Variants in FAM234A observed in about 807,000 individuals in gnomAD.
FAM234A encodes the protein family with sequence similarity 234 member A.
Under a neutral mutation model 49.1 loss-of-function variants are expected in FAM234A, and 42 were observed. The observed-to-expected ratio is 0.86, with a 90% CI of 0.67 to 1.11. The LOEUF is 1.11. Among genes scored for constraint, FAM234A ranks in the 50% least tolerant of loss-of-function variants. FAM234A has a pLI of 0.00. For missense variants in FAM234A, 815 were observed against 745.2 expected (o/e 1.09, Z -1.09); for synonymous variants, 369 against 316.2 (o/e 1.17, Z -1.77).
chr16:254,182 A>G (rs886433143), intron 2 of FAM234A, 199 bp from the exon 3 acceptor site: 9 of 560,858 alleles, frequency 1.6e-5, no homozygotes, highest in African/African-American at 1.5e-4. Flanking sequence ...GCCTTTCCAC[A>G]CTAATTAGAG....
chr16:254,171 C>G (rs1027614032), intron 2 of FAM234A: 14 of 536,028 alleles, frequency 2.6e-5, no homozygotes, highest in Non-Finnish European at 4.6e-5. Flanking sequence ...ACAGCTAACT[C>G]GCCTTTCCAC....
intron 6 of FAM234A, 43 bp downstream of exon 6, chr16:261,557 T>C: frequency 6.5e-7 from 1 of 1,537,876 alleles, no homozygotes; most frequent in Non-Finnish European, 8.7e-7. Flanking sequence ...CGAGGCCACC[T>C]GCCACACGGC....
rs1332668580 is a variant in FAM234A at position 263,573 on chromosome 16, C to G, written c.1113-127C>G. On this transcript the variant is annotated intron_variant, in intron 9 of 12. Coordinates refer to ENST00000399932, the MANE Select transcript of FAM234A (RefSeq NM_032039.4). ...TTGCCCCTTGCCCCAGACGTCGGCT[C>G]CGTGTCCTGGGCCCTGGTCCAGATG... is the stretch of plus-strand genomic sequence containing the variant. The G allele has an allele frequency of 2.4e-6, 3 of 1,275,036 alleles. No homozygotes were observed. The African/African-American group carries it at 4.4e-5, about 19-fold the overall frequency. 79.0% of individuals were successfully genotyped at this position (1,275,036 alleles called of 1,614,324 possible). A position where few individuals can be genotyped will look rare whatever the true frequency, so the allele number is the denominator to read the frequency against.
intron 3 of FAM234A, among the ~76,000 whole-genome samples, chr16:254,984 T>C (rs2051174229): frequency 6.6e-6 from 1 of 152,074 alleles, no homozygotes; most frequent in South Asian, 2.1e-4. Flanking sequence ...GCCTCCCAAA[T>C]AGCTGGGATT....
chr16:264,642 A>C lies in FAM234A; in HGVS notation c.1373A>C (p.Tyr458Ser). Residue 458 changes from tyrosine to serine, a missense_variant, in exon 12 of 13, where the codon TAC (tyrosine) becomes TCC (serine). Physicochemically the swap from Tyr to Ser is moderately radical, Grantham distance 144. Transcript: ENST00000399932. Reference protein sequence around the residue: ...TETGEARHSLYMFHPTLPRVL... With the variant: ...TETGEARHSLSMFHPTLPRVL... Reference sequence around the variant, plus strand: ...ACCGGGGAGGCCCGGCACAGCCTGTACATGTTCCACCCCACCCTGCCGCGC... The same window carrying C: ...ACCGGGGAGGCCCGGCACAGCCTGTCCATGTTCCACCCCACCCTGCCGCGC... 1.9e-6 allele frequency: 3 copies of C among 1,611,606 alleles called. No individual in the cohort carries two copies. The highest frequency in any genetic ancestry group is 2.5e-6 in the Non-Finnish European group (3 of 1,179,862).
rs1555462464 is a variant in FAM234A at position 252,196 on chromosome 16, T to TTG, written c.-33-2184_-33-2183insGT. Among the ~76,000 whole-genome samples, 3 of 146,874 alleles carry TTG rather than the reference T, an allele frequency of 2.0e-5. No individual in the cohort carries two copies. In the East Asian group the frequency reaches 6.1e-4, roughly 30 times the overall value. On this transcript the variant is annotated intron_variant, in intron 2 of 12. Transcript: ENST00000399932. ...TTTTTCTGTTTTTTGTTTTTTTTTTTTTTTTGAGACAGAGTCTCACTGTCG... is the reference window on the plus strand; with the variant it reads ...TTTTTCTGTTTTTTGTTTTTTTTTTTTGTTTTTGAGACAGAGTCTCACTGTCG...
intron 1 of FAM234A, among the ~76,000 whole-genome samples, chr16:244,761 C>G (rs983629774): frequency 6.7e-6 from 1 of 148,688 alleles, no homozygotes; most frequent in Non-Finnish European, 1.5e-5. Flanking sequence ...CGATCTTGGC[C>G]ACTGCACCCT....
rs186977536 is a variant in FAM234A, at chr16:256,255, A to T, written c.268+1574A>T. ...AATTGCTGAACCCTATGGTAAGTTTATGTTTAACTTTCTGAGGAGCTGACA... is the reference window on the plus strand; with the variant it reads ...AATTGCTGAACCCTATGGTAAGTTTTTGTTTAACTTTCTGAGGAGCTGACA... On this transcript the variant is annotated intron_variant, in intron 3 of 12. Transcript: ENST00000399932. Among the ~76,000 whole-genome samples the T allele has an allele frequency of 4.5e-3, 690 of 152,280 alleles. 2 individuals carry two copies. Among genetic ancestry groups the T allele is most frequent in the Non-Finnish European group, 5.5e-3 (376 of 68,024 alleles).
chr16:262,599 T>C, intron 8 of FAM234A, 46 bp downstream of exon 8: 1 of 1,513,130 alleles, frequency 6.6e-7, no homozygotes, highest in Non-Finnish European at 8.8e-7. Flanking sequence ...GCCCACCCCA[T>C]GGCTCTGCTC....
At chr16:238,567 C>T (rs966252844) in intron 1 of FAM234A, among the ~76,000 whole-genome samples, 5 of 151,768 alleles carry the variant, frequency 3.3e-5, no homozygotes, top group Middle Eastern at 3.2e-3. Context: ...GAGATCGAGA[C>T]CATCCTGGCT....
chr16:238,508 T>C (rs2050480739), intron 1 of FAM234A, among the ~76,000 whole-genome samples: 1 of 152,084 alleles, frequency 6.6e-6, no homozygotes, highest in Non-Finnish European at 1.5e-5. Flanking sequence ...GGCTCACGCC[T>C]GTAATCCCAG....
chr16:262,488 G>A lies in FAM234A; in HGVS notation c.906G>A (p.Pro302=), dbSNP rs377342149. The A allele has an allele frequency of 1.4e-4, 232 of 1,612,478 alleles. No homozygotes were observed. Among genetic ancestry groups the A allele is most frequent in the Admixed American group, 3.7e-4 (22 of 59,712 alleles). The change falls in exon 8 of 13, where the codon CCG becomes CCA. Residue 302 remains proline, a synonymous_variant. Transcript: ENST00000399932. ...LYEKVTGSGG[P]FKSDPHWESM... is the part of the protein sequence containing the mutation. ...AGAAGGTGACCGGGAGCGGCGGCCCGTTCAAGAGTGACCCGCACTGGGAGA... is the reference window on the plus strand; with the variant it reads ...AGAAGGTGACCGGGAGCGGCGGCCCATTCAAGAGTGACCCGCACTGGGAGA...
Position 263,238 on chromosome 16 carries a change from CCTTT to C in FAM234A, c.972-21_972-18del. 1 of 1,607,044 alleles carries C rather than the reference CCTTT, an allele frequency of 6.2e-7. No individual in the cohort carries two copies. The highest frequency in any genetic ancestry group is 8.5e-7 in the Non-Finnish European group (1 of 1,176,798). On this transcript the variant is annotated intron_variant, in intron 8 of 12. Coordinates refer to ENST00000399932, the MANE Select transcript of FAM234A (RefSeq NM_032039.4). ...GAGGCCGCCCCGGGGACCCGGCGCC[CCTTT>C]CTCCCACTCTCCTGTCTAGCTCTGG...
intron 1 of FAM234A, among the ~76,000 whole-genome samples, chr16:242,957 T>C (rs1331340289): frequency 6.6e-6 from 1 of 151,634 alleles, no homozygotes; most frequent in Non-Finnish European, 1.5e-5. Context: ...TATTGACAAA[T>C]TTTCTTTTCT....
At position 238,765 on chromosome 16, in the gene FAM234A, CAAAAAAAAAA is replaced by C. The variant is rs34366851; in HGVS notation, c.-140+3920_-140+3929del. 1.3e-3 allele frequency among the ~76,000 whole-genome samples: 48 copies of C among 37,900 alleles called. 1 individual carries two copies. Among genetic ancestry groups the C allele is most frequent in the Non-Finnish European group, 2.0e-3 (46 of 22,472 alleles). The allele number at this position is 37,900 out of a possible 152,430, so 24.9% of individuals were successfully genotyped here. A position where few individuals can be genotyped will look rare whatever the true frequency, so the allele number is the denominator to read the frequency against. On this transcript the variant is annotated intron_variant, in intron 1 of 12. Coordinates refer to ENST00000399932, the MANE Select transcript of FAM234A (RefSeq NM_032039.4). ...TGGGCGACAGAGTGAGACTCCGTCT[CAAAAAAAAAA>C]AAAAAAAAAAAGAAAAAAAAAATCC... is the stretch of plus-strand genomic sequence containing the variant.
At chr16:264,756 G>C in intron 12 of FAM234A, 40 bp downstream of exon 12, 2 of 1,607,160 alleles carry the variant, frequency 1.2e-6, no homozygotes, top group Non-Finnish European at 1.7e-6. Flanking sequence ...TGTTCCGCGG[G>C]GTCTGCCCTG....
rs981617264 is a variant in FAM234A, at chr16:263,397, C to T, written c.1107C>T (p.Val369=). ...GCTGGACACCCAAGGCAGCCCATGT[C>T]CTGAGGTACAGGGTTTCCCCAAGGA... is the stretch of plus-strand genomic sequence containing the variant. ...TPRWTPKAAH[V]LRKPIFGRYK... The change falls in exon 9 of 13, where the codon GTC becomes GTT. Residue 369 remains valine, a synonymous_variant. Transcript: ENST00000399932. 6.2e-7 allele frequency: 1 copy of T among 1,609,736 alleles called. No homozygotes were observed. Among genetic ancestry groups the T allele is most frequent in the Non-Finnish European group, 8.5e-7 (1 of 1,179,944 alleles).
Position 263,342 on chromosome 16 carries a change from T to G in FAM234A, c.1052T>G (p.Val351Gly), listed in dbSNP as rs764729272. The G allele has an allele frequency of 6.2e-6, 10 of 1,612,916 alleles. No homozygotes were observed. The South Asian group carries it at 1.1e-4, about 18-fold the overall frequency. ...DVLLVGSEAFVLLDGQELTPR... is the reference protein window; with the variant it reads ...DVLLVGSEAFGLLDGQELTPR... ...CTTCTTGTGGGCTCAGAGGCCTTCG[T>G]GCTGCTGGACGGGCAGGAGCTGACG... Residue 351 changes from valine (V) to glycine (G), a missense_variant, in exon 9 of 13, where the codon GTG becomes GGG. Physicochemically the swap from Val to Gly is moderately radical, Grantham distance 109. Transcript: ENST00000399932.
chr16:263,120 T>C, intron 8 of FAM234A, 142 bp from the exon 9 acceptor site: 1 of 1,074,006 alleles, frequency 9.3e-7, no homozygotes, highest in Non-Finnish European at 1.3e-6. Context: ...GCCCAGCTCT[T>C]CTCTTTTCAA....
Sources: gnomAD v4.1 joint callset for allele counts (sites outside exome capture counted in the v4.1 genomes callset) on GRCh38, gnomAD v4.1.1 for gene constraint, MANE v1.5 for transcripts, NCBI Gene and HGNC (gene_info 2026-07-23, HGNC 2026-07-21) for gene names.